The following DSCAM variants were observed in gnomAD, a reference collection of about 807,000 sequenced individuals.
DSCAM encodes DS cell adhesion molecule.
Under a neutral mutation model 217.7 loss-of-function variants are expected in DSCAM, and 47 were observed. That is an observed-to-expected ratio of 0.22 (90% confidence interval 0.17 to 0.28). The LOEUF (loss-of-function observed/expected upper bound fraction) is 0.28, where lower values mean the gene tolerates loss of function less well. Ranked by LOEUF, DSCAM falls within the 10% of genes least tolerant of loss-of-function variation. The pLI, the probability that DSCAM is intolerant of heterozygous loss-of-function variation, is 1.00. For missense variants in DSCAM, 2,080 were observed against 2,618.3 expected (o/e 0.79, Z 4.49); for synonymous variants, 1,056 against 1,015.3 (o/e 1.04, Z -0.76).
chr21:40,837,819 T>C (rs1035617503), intron 1 of DSCAM, among the ~76,000 whole-genome samples: 1 of 152,232 alleles, frequency 6.6e-6, no homozygotes, highest in Non-Finnish European at 1.5e-5. Flanking sequence ...CATTGTTGGG[T>C]GTCTTCAGCT....
At chr21:40,845,540 C>CCTCT (rs71332310) in intron 1 of DSCAM, among the ~76,000 whole-genome samples, 4,956 of 138,924 alleles carry the variant, frequency 0.036, 177 homozygotes, top group African/African-American at 0.083. Context: ...CTCTTCTTCT[C>CCTCT]CTCTCTCTCT....
At chr21:40,728,371 C>G (rs1268304478) in intron 1 of DSCAM, among the ~76,000 whole-genome samples, 1 of 151,960 alleles carries the variant, frequency 6.6e-6, no homozygotes, top group African/African-American at 2.4e-5. Flanking sequence ...ATCAATAAGT[C>G]TCAGTGACAT....
At chr21:40,433,557 G>A (rs1027717120) in intron 3 of DSCAM, among the ~76,000 whole-genome samples, 2 of 152,182 alleles carry the variant, frequency 1.3e-5, no homozygotes, top group African/African-American at 2.4e-5. Flanking sequence ...CTTGGAGAGA[G>A]TTGGATTTGT....
At chr21:40,656,429 C>A (rs1213174948) in intron 3 of DSCAM, among the ~76,000 whole-genome samples, 4 of 152,032 alleles carry the variant, frequency 2.6e-5, no homozygotes, top group Admixed American at 2.6e-4. Context: ...TCATTAATAG[C>A]CACACTGTCA....
chr21:40,292,608 A>G (rs1186366977), intron 10 of DSCAM, among the ~76,000 whole-genome samples: 2 of 152,186 alleles, frequency 1.3e-5, no homozygotes, highest in African/African-American at 4.8e-5. Flanking sequence ...AATTGTCAAT[A>G]CATATTGAAA....
intron 4 of DSCAM, among the ~76,000 whole-genome samples, chr21:40,357,396 C>G (rs1202751089): frequency 6.6e-6 from 1 of 152,176 alleles, no homozygotes; most frequent in African/African-American, 2.4e-5. Context: ...CTGTCTGCAT[C>G]CATGTTACTG....
At chr21:40,066,511 C>T (rs114700369) in intron 27 of DSCAM, among the ~76,000 whole-genome samples, 5,479 of 152,224 alleles carry the variant, frequency 0.036, 165 homozygotes, top group African/African-American at 0.076. Context: ...TTTTATTTCT[C>T]TATAAAATGA....
chr21:40,344,072 T>C (rs1176024813), intron 6 of DSCAM, among the ~76,000 whole-genome samples: 1 of 151,984 alleles, frequency 6.6e-6, no homozygotes, highest in Non-Finnish European at 1.5e-5. Context: ...CTAGTTTTTG[T>C]ATTTTTAGCA....
intron 11 of DSCAM, among the ~76,000 whole-genome samples, chr21:40,192,360 T>A (rs9980806): frequency 0.4 from 60,380 of 151,942 alleles, 12,090 homozygotes; most frequent in Middle Eastern, 0.44. Context: ...ATCATAGGGG[T>A]GGTTACCTCC....
At chr21:40,127,651 G>A (rs1267563728) in intron 19 of DSCAM, among the ~76,000 whole-genome samples, 1 of 152,122 alleles carries the variant, frequency 6.6e-6, no homozygotes. Flanking sequence ...ACCTTAGACC[G>A]ACATAGTCAC....
chr21:40,180,168 G>A (rs994769669), intron 14 of DSCAM, among the ~76,000 whole-genome samples: 2 of 152,130 alleles, frequency 1.3e-5, no homozygotes, highest in African/African-American at 4.8e-5. Context: ...TTTAATAGAG[G>A]AACAAATAAA....
intron 2 of DSCAM, among the ~76,000 whole-genome samples, chr21:40,707,568 T>C (rs1007418617): frequency 1.3e-5 from 2 of 152,216 alleles, no homozygotes; most frequent in African/African-American, 4.8e-5. Flanking sequence ...TACCAGCACC[T>C]ACTCACTTAC....
chr21:40,715,595 A>G (rs2090833157), intron 1 of DSCAM, among the ~76,000 whole-genome samples: 1 of 152,238 alleles, frequency 6.6e-6, no homozygotes, highest in African/African-American at 2.4e-5. Context: ...AGAATATGAA[A>G]ATTATTGCTA....
intron 3 of DSCAM, among the ~76,000 whole-genome samples, chr21:40,648,027 A>G (rs2089968150): frequency 6.6e-6 from 1 of 152,320 alleles, no homozygotes; most frequent in East Asian, 1.9e-4. Flanking sequence ...GCAACAGCAC[A>G]TGCACCGAGT....
chr21:40,688,515 G>A (rs2090507175), intron 3 of DSCAM, among the ~76,000 whole-genome samples: 1 of 152,132 alleles, frequency 6.6e-6, no homozygotes, highest in African/African-American at 2.4e-5. Flanking sequence ...GGATTTCATT[G>A]CAGCTTAGGA....
rs74784932 is a variant in DSCAM, at chr21:40,817,595, T to C, written c.43+29024A>G. On this transcript the variant is annotated intron_variant, in intron 1 of 32. Coordinates refer to ENST00000400454, the MANE Select transcript of DSCAM (RefSeq NM_001389.5). ...AAAGCAAGCGTGATGCATAATGCAT[T>C]GTGCCATGATGCATAATAATTAGGC... Among the ~76,000 whole-genome samples, 330 of 152,282 alleles carry C rather than the reference T, an allele frequency of 2.2e-3. 1 individual carries two copies. Among genetic ancestry groups the C allele is most frequent in the African/African-American group, 7.7e-3 (320 of 41,554 alleles).
intron 9 of DSCAM, among the ~76,000 whole-genome samples, chr21:40,309,920 A>T (rs1347357240): frequency 6.6e-6 from 1 of 152,306 alleles, no homozygotes; most frequent in Non-Finnish European, 1.5e-5. Flanking sequence ...ATCAGGCCAT[A>T]GTGCTGTGGT....
chr21:40,061,448 A>ACC (rs2089118419), intron 28 of DSCAM, among the ~76,000 whole-genome samples: 1 of 151,978 alleles, frequency 6.6e-6, no homozygotes, highest in African/African-American at 2.4e-5. Context: ...GGGCGCCTGT[A>ACC]ATCGTGGCTC....
chr21:40,426,686 C>G (rs1021013665), intron 3 of DSCAM, among the ~76,000 whole-genome samples: 2 of 152,156 alleles, frequency 1.3e-5, no homozygotes, highest in South Asian at 2.1e-4. Context: ...AGGCATAACT[C>G]AAAGGGCTGG....
Sources: gnomAD v4.1 joint callset for allele counts (sites outside exome capture counted in the v4.1 genomes callset) on GRCh38, gnomAD v4.1.1 for gene constraint, MANE v1.5 for transcripts, NCBI Gene and HGNC (gene_info 2026-07-23, HGNC 2026-07-21) for gene names.